R3HDM2: variants seen among roughly 807,000 people sequenced by gnomAD.
R3HDM2 encodes R3H domain-containing protein 2.
Under a neutral mutation model 124.5 loss-of-function variants are expected in R3HDM2, and 38 were observed. The ratio of observed to expected loss-of-function variants is 0.31; its 90% CI spans 0.24 to 0.40. The LOEUF (loss-of-function observed/expected upper bound fraction) is 0.40, where lower values mean the gene tolerates loss of function less well. R3HDM2 is among the 10% of genes least tolerant of loss of function. R3HDM2 has a pLI of 1.00. For synonymous variants in R3HDM2, 391 were observed against 448.0 expected (o/e 0.87, Z 1.61); for missense variants, 869 against 1,236.9 (o/e 0.70, Z 4.46).
intron 1 of R3HDM2, among the ~76,000 whole-genome samples, chr12:57,399,802 A>T (rs1172840530): frequency 1.3e-5 from 2 of 152,290 alleles, no homozygotes; most frequent in African/African-American, 4.8e-5. Flanking sequence ...TTTTTAAAGT[A>T]AGCTAAATCT....
At chr12:57,320,682 T>C (rs2136291762) in intron 2 of R3HDM2, among the ~76,000 whole-genome samples, 1 of 152,272 alleles carries the variant, frequency 6.6e-6, no homozygotes, top group South Asian at 2.1e-4. Context: ...TTCACCTATT[T>C]TTTTCAGGGA....
In R3HDM2 at chr12:57,255,033, C is replaced by A; in HGVS notation, c.2713G>T (p.Ala905Ser). The change falls in exon 24 of 24, where the codon GCC becomes TCC. Residue 905 changes from alanine (A) to serine (S), a missense_variant. By Grantham distance (99) the Ala-to-Ser change is moderately conservative. This residue lies in a region of R3HDM2 where 602 missense variants were observed against 789.2 expected (regional missense o/e 0.76). Coordinates refer to ENST00000402412, the MANE Select transcript of R3HDM2 (RefSeq NM_001394031.1). ...TEADKLFTQLAMSGAKIQWLK... is the reference protein window; with the variant it reads ...TEADKLFTQLSMSGAKIQWLK... ...CACTGGATCTTGGCGCCAGACATGG[C>A]GAGCTGCGTGAAGAGTTTGTCCGCC... is the stretch of plus-strand genomic sequence containing the variant. 1.2e-6 allele frequency: 2 copies of A among 1,613,736 alleles called. No homozygotes were observed. The highest frequency in any genetic ancestry group is 8.5e-7 in the Non-Finnish European group (1 of 1,179,938).
At chr12:57,306,454 G>A (rs1417218589) in intron 3 of R3HDM2, among the ~76,000 whole-genome samples, 5 of 151,768 alleles carry the variant, frequency 3.3e-5, no homozygotes, top group African/African-American at 4.8e-5. Context: ...CTGTTGCCAG[G>A]CTGGAGTGCA....
In R3HDM2 at chr12:57,253,948, T is replaced by A. The variant is rs1192523454; in HGVS notation, c.*825A>T. On this transcript the variant is annotated 3_prime_UTR_variant, in exon 24 of 24. Coordinates refer to ENST00000402412, the MANE Select transcript of R3HDM2 (RefSeq NM_001394031.1). ...GAACCTCAAACAAACAATATACAAG[T>A]GTTCTGGGGGGGCCAGGGGAATCCC... 3 of 329,784 alleles carry A rather than the reference T, an allele frequency of 9.1e-6. No homozygotes were observed. Among genetic ancestry groups the A allele is most frequent in the East Asian group, 2.1e-4 (2 of 9,648 alleles). 20.4% of individuals were successfully genotyped at this position (329,784 alleles called of 1,614,324 possible).
intron 19 of R3HDM2, among the ~76,000 whole-genome samples, chr12:57,265,516 C>CA (rs1280929246): frequency 1.5e-4 from 19 of 124,006 alleles, no homozygotes; most frequent in South Asian, 2.6e-4. Context: ...ATTCAGAAAA[C>CA]AAAAAAAAGA....
In R3HDM2 at chr12:57,359,848, T is replaced by C. The variant is rs1298990305; in HGVS notation, c.-36+35901A>G. Among the ~76,000 whole-genome samples, 3 of 151,786 alleles carry C rather than the reference T, an allele frequency of 2.0e-5. No individual in the cohort carries two copies. In the East Asian group the frequency reaches 5.8e-4, roughly 29 times the overall value. ...CCTCTTTGCTTTTTTTAAGAAGTGG[T>C]TTATTTAGTGTATACTTTTATCATA... is the stretch of plus-strand genomic sequence containing the variant. On this transcript the variant is annotated intron_variant, in intron 2 of 23. Coordinates refer to ENST00000402412, the MANE Select transcript of R3HDM2 (RefSeq NM_001394031.1).
At chr12:57,311,814 T>C (rs941694705) in intron 2 of R3HDM2, among the ~76,000 whole-genome samples, 3 of 152,250 alleles carry the variant, frequency 2.0e-5, no homozygotes, top group Non-Finnish European at 2.9e-5. Context: ...GTCAATCTAC[T>C]GTCTCCCAGT....
chr12:57,363,449 T>A (rs2062187246), intron 2 of R3HDM2, among the ~76,000 whole-genome samples: 1 of 152,238 alleles, frequency 6.6e-6, no homozygotes, highest in East Asian at 1.9e-4. Flanking sequence ...GAATGGGGTA[T>A]AGGGAGAGAT....
chr12:57,419,163 A>G (rs1347548068), intron 1 of R3HDM2, among the ~76,000 whole-genome samples: 2 of 104,508 alleles, frequency 1.9e-5, no homozygotes, highest in Non-Finnish European at 3.9e-5. Context: ...TTTTTTTTTG[A>G]TACGGATTCT....
chr12:57,373,219 AGC>A (rs2063586005), intron 2 of R3HDM2, among the ~76,000 whole-genome samples: 1 of 152,192 alleles, frequency 6.6e-6, no homozygotes, highest in Admixed American at 6.5e-5. Context: ...AGTAATAACA[AGC>A]CGGGCGCGGT....
At chr12:57,329,331 A>G (rs1002270154) in intron 2 of R3HDM2, among the ~76,000 whole-genome samples, 2 of 152,226 alleles carry the variant, frequency 1.3e-5, no homozygotes, top group African/African-American at 4.8e-5. Flanking sequence ...ACATAAGAAC[A>G]GTAGATAAGA....
intron 2 of R3HDM2, among the ~76,000 whole-genome samples, chr12:57,357,574 TC>T (rs1376204209): frequency 2.0e-5 from 3 of 152,092 alleles, no homozygotes; most frequent in African/African-American, 7.2e-5. Context: ...TCTTCTCTTT[TC>T]CTTTCTTAGT....
rs1160168285 is a variant in R3HDM2 at position 57,295,652 on chromosome 12, G to GT, written c.702-146dup. ...AAGGAATCCAAAAAGTCACATGCAGGTTTTAATGAAATCTTCAGGGTCTGT... is the reference window on the plus strand; with the variant it reads ...AAGGAATCCAAAAAGTCACATGCAGGTTTTTAATGAAATCTTCAGGGTCTGT... On this transcript the variant is annotated intron_variant, in intron 9 of 23. Transcript: ENST00000402412. 3.1e-5 allele frequency: 19 copies of GT among 617,358 alleles called. No individual in the cohort carries two copies. The African/African-American group carries it at 3.1e-4, about 10-fold the overall frequency. 38.2% of individuals were successfully genotyped at this position (617,358 alleles called of 1,614,324 possible). A position where few individuals can be genotyped will look rare whatever the true frequency, so the allele number is the denominator to read the frequency against.
intron 12 of R3HDM2, among the ~76,000 whole-genome samples, chr12:57,288,600 C>T (rs898275207): frequency 1.3e-5 from 2 of 152,050 alleles, no homozygotes; most frequent in Non-Finnish European, 2.9e-5. Context: ...GGAAGCTGTA[C>T]CTATCCCAGA....
At position 57,293,809 on chromosome 12, in the gene R3HDM2, G is replaced by C. The variant is rs139860668; in HGVS notation, c.811-1142C>G. Among the ~76,000 whole-genome samples the C allele has an allele frequency of 1.2e-3, 188 of 152,260 alleles. 1 individual carries two copies. Among genetic ancestry groups the C allele is most frequent in the African/African-American group, 4.1e-3 (172 of 41,552 alleles). ...TCTCCAAAGGTAACCATAACTTCAA[G>C]AATATCAACCTTGCCTAGATTTAGT... On this transcript the variant is annotated intron_variant, in intron 10 of 23. Transcript: ENST00000402412.
At chr12:57,346,904 GT>G (rs2060143927) in intron 2 of R3HDM2, among the ~76,000 whole-genome samples, 1 of 152,062 alleles carries the variant, frequency 6.6e-6, no homozygotes, top group South Asian at 2.1e-4. Flanking sequence ...TGGTGGTAAG[GT>G]TTCAAGACTC....
At chr12:57,311,382 C>A (rs555293309) in intron 2 of R3HDM2, among the ~76,000 whole-genome samples, 1 of 151,302 alleles carries the variant, frequency 6.6e-6, no homozygotes, top group East Asian at 1.9e-4. Flanking sequence ...CCCGCCACCA[C>A]GCTCAGCTAA....
intron 2 of R3HDM2, among the ~76,000 whole-genome samples, chr12:57,384,278 C>T (rs1192351389): frequency 6.6e-6 from 1 of 150,896 alleles, no homozygotes; most frequent in Non-Finnish European, 1.5e-5. Context: ...GGCGTGAACC[C>T]GGGAGGCAGA....
chr12:57,426,326 G>C (rs1351388912), intron 1 of R3HDM2, among the ~76,000 whole-genome samples: 1 of 152,148 alleles, frequency 6.6e-6, no homozygotes, highest in Non-Finnish European at 1.5e-5. Flanking sequence ...ACTTAGCATA[G>C]ATTTAGTTGC....
Sources: gnomAD v4.1 joint callset for allele counts (sites outside exome capture counted in the v4.1 genomes callset) on GRCh38, gnomAD v4.1.1 for gene constraint, gnomAD v4.1.1 regional missense constraint, MANE v1.5 for transcripts, NCBI Gene and HGNC (gene_info 2026-07-23, HGNC 2026-07-21) for gene names.